The following BMPR1A variants were observed in gnomAD, a reference collection of about 807,000 sequenced individuals.
BMPR1A encodes bone morphogenetic protein receptor type-1A.
A neutral mutation model predicts 66.0 loss-of-function variants in BMPR1A; 7 were observed. The observed-to-expected ratio is 0.11, with a 90% CI of 0.06 to 0.20. BMPR1A has a LOEUF of 0.20. Among genes scored for constraint, BMPR1A ranks in the 10% least tolerant of loss-of-function variants. The probability of loss-of-function intolerance (pLI) is 1.00; values close to 1 mark genes in which losing one functional copy is unlikely to be tolerated. For synonymous variants in BMPR1A, 200 were observed against 229.7 expected, an observed-to-expected ratio of 0.87 and a Z score of 1.17; for missense variants, 408 against 669.1, an observed-to-expected ratio of 0.61 and a Z score of 4.31.
intron 1 of BMPR1A, among the ~76,000 whole-genome samples, chr10:86,826,004 A>C (rs922739387): frequency 2.0e-5 from 3 of 152,240 alleles, no homozygotes; most frequent in African/African-American, 4.8e-5. Context: ...AGAAAAGTTG[A>C]ATGAATAGTG....
At chr10:86,893,205 G>T (rs1259980661) in intron 5 of BMPR1A, among the ~76,000 whole-genome samples, 2 of 151,992 alleles carry the variant, frequency 1.3e-5, no homozygotes, top group African/African-American at 4.8e-5. Flanking sequence ...AAATGTTAAA[G>T]ATATACTGCA....
At chr10:86,796,490 CATTTATTTATTT>C (rs138802508) in intron 1 of BMPR1A, among the ~76,000 whole-genome samples, 46,158 of 148,014 alleles carry the variant, frequency 0.31, 8,205 homozygotes, top group East Asian at 0.69. Flanking sequence ...AATTTAGGCA[CATTTATTTATTT>C]ATTTATTTAT....
intron 2 of BMPR1A, among the ~76,000 whole-genome samples, chr10:86,853,426 G>T (rs1327193354): frequency 6.6e-6 from 1 of 152,044 alleles, no homozygotes; most frequent in African/African-American, 2.4e-5. Context: ...ATTTACTAGG[G>T]GCAAATTTCA....
chr10:86,847,063 C>T (rs1842495612), intron 2 of BMPR1A, among the ~76,000 whole-genome samples: 1 of 152,062 alleles, frequency 6.6e-6, no homozygotes, highest in African/African-American at 2.4e-5. Flanking sequence ...CAATGTTGGC[C>T]AGGCTGGTCT....
At chr10:86,887,560 C>T (rs541241620) in intron 3 of BMPR1A, among the ~76,000 whole-genome samples, 1 of 152,230 alleles carries the variant, frequency 6.6e-6, no homozygotes, top group South Asian at 2.1e-4. Context: ...ATTATTATCC[C>T]CATTTTCTAT....
chr10:86,893,165 T>C (rs7097578), intron 5 of BMPR1A, among the ~76,000 whole-genome samples: 22,635 of 152,130 alleles, frequency 0.15, 2,652 homozygotes, highest in East Asian at 0.67. Flanking sequence ...ATAGTGGCAG[T>C]AACCTTTGTA....
chr10:86,902,990 A>C (rs1386772260), intron 7 of BMPR1A, among the ~76,000 whole-genome samples: 1 of 152,204 alleles, frequency 6.6e-6, no homozygotes, highest in African/African-American at 2.4e-5. Context: ...GTGGTGGGGA[A>C]TAATTAGCCC....
intron 1 of BMPR1A, among the ~76,000 whole-genome samples, chr10:86,822,520 G>C (rs551987039): frequency 9.2e-5 from 14 of 152,218 alleles, no homozygotes; most frequent in Non-Finnish European, 1.6e-4. Flanking sequence ...ACAATGTTTA[G>C]AGTCTGGCTG....
chr10:86,807,129 C>T (rs1045287639), intron 1 of BMPR1A, among the ~76,000 whole-genome samples: 3 of 152,062 alleles, frequency 2.0e-5, no homozygotes, highest in Non-Finnish European at 4.4e-5. Context: ...CTCATTGATA[C>T]TGGGGTGTCA....
At position 86,890,158 on chromosome 10, in the gene BMPR1A, C is replaced by T. The variant is rs1843126856; in HGVS notation, c.164C>T (p.Thr55Ile). Reference sequence around the variant, plus strand: ...GGAGTAACCTTAGCACCAGAGGATACCTTGCCTTTTTTAAAGTGCTATTGC... The same window carrying T: ...GGAGTAACCTTAGCACCAGAGGATATCTTGCCTTTTTTAAAGTGCTATTGC... ...ENGVTLAPED[T>I]LPFLKCYCSG... The change falls in exon 4 of 13, where the codon ACC (threonine) becomes ATC (isoleucine). Residue 55 changes from threonine (T) to isoleucine (I), a missense_variant. Coordinates refer to ENST00000372037, the MANE Select transcript of BMPR1A (RefSeq NM_004329.3). The T allele has an allele frequency of 6.2e-7, 1 of 1,614,104 alleles. No homozygotes were observed. Among genetic ancestry groups the T allele is most frequent in the Non-Finnish European group, 8.5e-7 (1 of 1,180,010 alleles).
At chr10:86,839,592 CAA>C (rs1210538965) in intron 2 of BMPR1A, among the ~76,000 whole-genome samples, 132 of 73,020 alleles carry the variant, frequency 1.8e-3, no homozygotes, top group African/African-American at 6.0e-3. Context: ...GACTCTGTCT[CAA>C]AAAAAAAAAA....
intron 7 of BMPR1A, 87 bp from the exon 8 acceptor site, chr10:86,912,153 G>C: frequency 2.1e-6 from 3 of 1,405,064 alleles, no homozygotes; most frequent in Non-Finnish European, 3.0e-6. Context: ...CTGAGGGAAG[G>C]ATAATGGTAT....
intron 2 of BMPR1A, among the ~76,000 whole-genome samples, chr10:86,850,686 C>T (rs1178076998): frequency 6.6e-6 from 1 of 152,092 alleles, no homozygotes; most frequent in Admixed American, 6.5e-5. Flanking sequence ...GGCTGGAGTG[C>T]AGTGGCATGA....
chr10:86,914,853 T>C (rs2133561730), intron 8 of BMPR1A, among the ~76,000 whole-genome samples: 1 of 152,340 alleles, frequency 6.6e-6, no homozygotes, highest in Non-Finnish European at 1.5e-5. Flanking sequence ...ATCCTTCTGC[T>C]AATTATTTAC....
intron 1 of BMPR1A, among the ~76,000 whole-genome samples, chr10:86,795,607 A>G (rs756865825): frequency 1.6e-4 from 24 of 152,304 alleles, no homozygotes; most frequent in South Asian, 1.0e-3. Context: ...TAGTGAGGCT[A>G]GAGTATGCAT....
chr10:86,772,919 C>T (rs1841286703), intron 1 of BMPR1A, among the ~76,000 whole-genome samples: 1 of 152,094 alleles, frequency 6.6e-6, no homozygotes, highest in Non-Finnish European at 1.5e-5. Context: ...AAGGTAACAT[C>T]TATAAACATT....
chr10:86,833,425 A>G (rs924483609), intron 1 of BMPR1A, among the ~76,000 whole-genome samples: 15 of 152,222 alleles, frequency 9.9e-5, no homozygotes, highest in African/African-American at 3.6e-4. Context: ...ATATGTGTAG[A>G]GATGGGGAGA....
chr10:86,926,502 A>G lies in BMPR1A; in HGVS notation c.*2783A>G. On this transcript the variant is annotated 3_prime_UTR_variant, in exon 13 of 13. Transcript: ENST00000372037. ...GTCACTGCACTCCAGCCTGGGCAAAAGAGCGAAACTCCATCTCAAATAAAC... is the reference window on the plus strand; with the variant it reads ...GTCACTGCACTCCAGCCTGGGCAAAGGAGCGAAACTCCATCTCAAATAAAC... 6.0e-6 allele frequency: 1 copy of G among 165,700 alleles called. No homozygotes were observed. The highest frequency in any genetic ancestry group is 1.3e-5 in the Non-Finnish European group (1 of 75,674). The allele number at this position is 165,700 out of a possible 1,614,324, so 10.3% of individuals were successfully genotyped here.
intron 1 of BMPR1A, among the ~76,000 whole-genome samples, chr10:86,825,815 G>C (rs1306519884): frequency 6.6e-6 from 1 of 152,114 alleles, no homozygotes; most frequent in African/African-American, 2.4e-5. Context: ...CAGAAAAAAA[G>C]TTTTAAAATT....
Sources: gnomAD v4.1 joint callset for allele counts (sites outside exome capture counted in the v4.1 genomes callset) on GRCh38, gnomAD v4.1.1 for gene constraint, MANE v1.5 for transcripts, NCBI Gene and HGNC (gene_info 2026-07-23, HGNC 2026-07-21) for gene names.